APBA1: variants seen among roughly 807,000 people sequenced by gnomAD.
APBA1 encodes amyloid beta precursor protein binding family A member 1.
In APBA1, 55 loss-of-function variants were observed where a neutral mutation model predicts 86.6. That is an observed-to-expected ratio of 0.64 (90% confidence interval 0.51 to 0.80). The LOEUF (loss-of-function observed/expected upper bound fraction) is 0.80. APBA1 is among the 30% of genes least tolerant of loss of function. APBA1 has a pLI of 0.00. For missense variants in APBA1, 1,090 were observed against 1,183.0 expected, an observed-to-expected ratio of 0.92 and a Z score of 1.15; for synonymous variants, 511 against 493.9, an observed-to-expected ratio of 1.03 and a Z score of -0.46.
chr9:69,630,568 A>G (rs1823022036), intron 1 of APBA1, among the ~76,000 whole-genome samples: 1 of 152,086 alleles, frequency 6.6e-6, no homozygotes, highest in Admixed American at 6.6e-5. Flanking sequence ...GTTTACTCCA[A>G]TTGGATCACT....
intron 1 of APBA1, among the ~76,000 whole-genome samples, chr9:69,603,583 C>T (rs1822398665): frequency 6.6e-6 from 1 of 152,236 alleles, no homozygotes; most frequent in Non-Finnish European, 1.5e-5. Context: ...TACATAAATA[C>T]TTCCCAATTT....
chr9:69,613,797 T>C (rs1467398692), intron 1 of APBA1, among the ~76,000 whole-genome samples: 1 of 152,190 alleles, frequency 6.6e-6, no homozygotes, highest in Non-Finnish European at 1.5e-5. Context: ...ATAGTTTTCT[T>C]GTTTACATTT....
At chr9:69,557,433 T>A (rs1179411528) in intron 1 of APBA1, among the ~76,000 whole-genome samples, 1 of 152,204 alleles carries the variant, frequency 6.6e-6, no homozygotes, top group Non-Finnish European at 1.5e-5. Context: ...GAACAATGAA[T>A]AACCCAAAAT....
At chr9:69,434,509 C>T (rs1225421847) in intron 11 of APBA1, among the ~76,000 whole-genome samples, 2 of 152,016 alleles carry the variant, frequency 1.3e-5, no homozygotes, top group Non-Finnish European at 1.5e-5. Flanking sequence ...GAGTTCAAGA[C>T]CGGCCTGGCC....
At chr9:69,553,259 A>G (rs1836814994) in intron 1 of APBA1, among the ~76,000 whole-genome samples, 1 of 152,150 alleles carries the variant, frequency 6.6e-6, no homozygotes, top group Non-Finnish European at 1.5e-5. Flanking sequence ...TTAAATGTAC[A>G]ATTTGATGAA....
chr9:69,533,148 G>C (rs1384784554), intron 1 of APBA1, among the ~76,000 whole-genome samples: 1 of 152,152 alleles, frequency 6.6e-6, no homozygotes, highest in Non-Finnish European at 1.5e-5. Flanking sequence ...AGATCATCAT[G>C]TAATAAATAT....
chr9:69,486,396 T>A (rs1835610590), intron 2 of APBA1, among the ~76,000 whole-genome samples: 1 of 152,142 alleles, frequency 6.6e-6, no homozygotes, highest in Non-Finnish European at 1.5e-5. Context: ...TATTTATTTG[T>A]TCCTTCGACA....
intron 1 of APBA1, among the ~76,000 whole-genome samples, chr9:69,655,004 C>G (rs58364140): frequency 4.3e-4 from 66 of 152,234 alleles, no homozygotes; most frequent in African/African-American, 1.5e-3. Context: ...TAAAATGTAA[C>G]ATCCTTGATG....
intron 2 of APBA1, among the ~76,000 whole-genome samples, chr9:69,512,785 C>T (rs1836072904): frequency 6.6e-6 from 1 of 151,990 alleles, no homozygotes. Context: ...TCACTGAGAC[C>T]CACATCAGGT....
chr9:69,446,398 A>T (rs1378214343), intron 10 of APBA1, among the ~76,000 whole-genome samples: 2 of 152,182 alleles, frequency 1.3e-5, no homozygotes, highest in Non-Finnish European at 2.9e-5. Flanking sequence ...CCACGAAAGC[A>T]CTGCTTTTCT....
chr9:69,609,298 T>TA (rs1483532492), intron 1 of APBA1, among the ~76,000 whole-genome samples: 3 of 152,044 alleles, frequency 2.0e-5, no homozygotes, highest in Non-Finnish European at 4.4e-5. Context: ...AAATGCCTAA[T>TA]AAAAAGAGCT....
chr9:69,451,371 A>G (rs1305055665), intron 9 of APBA1, among the ~76,000 whole-genome samples: 1 of 152,202 alleles, frequency 6.6e-6, no homozygotes, highest in Non-Finnish European at 1.5e-5. Context: ...ACCCCAGTGG[A>G]TCAAATGATC....
chr9:69,512,364 A>G (rs1836063967), intron 2 of APBA1, among the ~76,000 whole-genome samples: 1 of 152,194 alleles, frequency 6.6e-6, no homozygotes, highest in African/African-American at 2.4e-5. Flanking sequence ...TTGCTCCAAG[A>G]AAAAAGCACT....
At position 69,541,254 on chromosome 9, in the gene APBA1, C is replaced by G. The variant is rs1051009154; in HGVS notation, c.-69-23975G>C. The stretch of plus-strand genomic sequence containing the variant: ...TCTATTTTTAATTGTTTTAGGGACC[C>G]CCCCCCCCATTCTGTTTTCTATATC... On this transcript the variant is annotated intron_variant, in intron 1 of 12. Transcript: ENST00000265381. 2.5e-5 allele frequency among the ~76,000 whole-genome samples: 3 copies of G among 122,104 alleles called. No homozygotes were observed. The East Asian group carries it at 1.3e-3, about 53-fold the overall frequency. The allele number at this position is 122,104 out of a possible 152,430, so 80.1% of individuals were successfully genotyped here.
chr9:69,432,223 G>A (rs1834613609), intron 12 of APBA1, among the ~76,000 whole-genome samples: 1 of 152,190 alleles, frequency 6.6e-6, no homozygotes, highest in Admixed American at 6.5e-5. Context: ...GATTAACTGG[G>A]GAAAATGGAG....
In APBA1 at chr9:69,499,605, A is replaced by T. The variant is rs182169776; in HGVS notation, c.1200+16406T>A. On this transcript the variant is annotated intron_variant, in intron 2 of 12. Coordinates refer to ENST00000265381, the MANE Select transcript of APBA1 (RefSeq NM_001163.4). ...AAGGTCGACAGGATAAGAGGCTCTA[A>T]CAAGTCTTAATGAATTAGCATGTGC... Among the ~76,000 whole-genome samples the T allele has an allele frequency of 4.6e-4, 70 of 151,792 alleles. 1 individual carries two copies. Among genetic ancestry groups the T allele is most frequent in the African/African-American group, 1.5e-3 (62 of 41,282 alleles).
chr9:69,640,845 C>G (rs1157658500), intron 1 of APBA1, among the ~76,000 whole-genome samples: 1 of 151,884 alleles, frequency 6.6e-6, no homozygotes, highest in East Asian at 1.9e-4. Flanking sequence ...AAGACCACTT[C>G]TCTCATCATT....
intron 1 of APBA1, among the ~76,000 whole-genome samples, chr9:69,653,961 C>T (rs960962666): frequency 6.6e-6 from 1 of 151,920 alleles, no homozygotes; most frequent in African/African-American, 2.4e-5. Flanking sequence ...CCAGGCATCT[C>T]CCGTGTAGCC....
intron 1 of APBA1, among the ~76,000 whole-genome samples, chr9:69,539,199 T>C (rs1339497036): frequency 6.6e-6 from 1 of 152,218 alleles, no homozygotes. Flanking sequence ...GTCTATACAA[T>C]GGCAATTCTG....
Sources: gnomAD v4.1 joint callset for allele counts (sites outside exome capture counted in the v4.1 genomes callset) on GRCh38, gnomAD v4.1.1 for gene constraint, MANE v1.5 for transcripts, NCBI Gene and HGNC (gene_info 2026-07-23, HGNC 2026-07-21) for gene names.